RGS12: variants seen among roughly 807,000 people sequenced by gnomAD.
RGS12 encodes the protein regulator of G-protein signaling 12.
RGS12 carries 66 observed loss-of-function variants against 120.1 expected under a neutral mutation model. The ratio of observed to expected loss-of-function variants is 0.55; its 90% CI spans 0.45 to 0.67. RGS12 has a LOEUF of 0.67. Ranked by LOEUF, RGS12 falls within the 30% of genes least tolerant of loss-of-function variation. RGS12 has a pLI of 0.00. For missense variants in RGS12, 1,859 were observed against 1,957.7 expected, an observed-to-expected ratio of 0.95 and a Z score of 0.95; for synonymous variants, 827 against 804.7, an observed-to-expected ratio of 1.03 and a Z score of -0.47.
At chr4:3,290,318 C>T (rs1722981768), upstream of RGS12, among the ~76,000 whole-genome samples, 1 of 152,224 alleles carries the variant, frequency 6.6e-6, no homozygotes, top group Non-Finnish European at 1.5e-5. Flanking sequence ...CAAACATCTC[C>T]ACCCATCTCC....
At chr4:3,381,292 T>A (rs1718230915) in intron 3 of RGS12, among the ~76,000 whole-genome samples, 1 of 152,224 alleles carries the variant, frequency 6.6e-6, no homozygotes, top group South Asian at 2.1e-4. Flanking sequence ...TCACACATAT[T>A]TCTGTCTTCT....
the RGS12 span, among the ~76,000 whole-genome samples, chr4:3,286,280 G>A: frequency 1.3e-5 from 2 of 152,128 alleles, no homozygotes; most frequent in Non-Finnish European, 1.5e-5. Flanking sequence ...GGTTTCTTTC[G>A]ACACACTGAG....
chr4:3,434,187 G>T (rs1577110403), intron 17 of RGS12, among the ~76,000 whole-genome samples: 1 of 152,298 alleles, frequency 6.6e-6, no homozygotes, highest in Non-Finnish European at 1.5e-5. Context: ...TCTTCACAGG[G>T]CAGCAGGAGA....
rs34772853 is a variant in RGS12 at position 3,414,137 on chromosome 4, C to T, written c.2086C>T (p.Pro696Ser). 6 of 1,569,172 alleles carry T rather than the reference C, an allele frequency of 3.8e-6. No individual in the cohort carries two copies. The highest frequency in any genetic ancestry group is 1.2e-5 in the South Asian group (1 of 86,534). ...NNSLSSNASL[P>S]SVQSCRRLRE... ...CAGCCTGAGCAGCAATGCCAGCCTC[C>T]CCAGCGTGCAGAGCTGCCGGCGCCT... The change falls in exon 5 of 18, where the codon CCC (proline) becomes TCC (serine). Residue 696 changes from proline to serine, a missense_variant. By Grantham distance (74) the Pro-to-Ser change is moderately conservative. Coordinates refer to ENST00000336727, the MANE Select transcript of RGS12 (RefSeq NM_001394154.1).
At chr4:3,349,051 G>A (rs1047122723) in intron 3 of RGS12, among the ~76,000 whole-genome samples, 2 of 152,108 alleles carry the variant, frequency 1.3e-5, no homozygotes, top group African/African-American at 4.8e-5. Flanking sequence ...AAATCAAAAC[G>A]TCCTGCAGTT....
intron 1 of RGS12, chr4:3,314,203 G>A (rs1317532635): frequency 6.6e-6 from 1 of 151,874 alleles, no homozygotes; most frequent in African/African-American, 2.4e-5. Context: ...AAGTACGCAT[G>A]TTCTGTGTCC....
At chr4:3,339,177 G>C (rs955124710) in intron 2 of RGS12, among the ~76,000 whole-genome samples, 1 of 152,146 alleles carries the variant, frequency 6.6e-6, no homozygotes, top group Non-Finnish European at 1.5e-5. Flanking sequence ...TGGAAGGGCC[G>C]CTCACCTGGG....
rs530079959 is a variant in RGS12, at chr4:3,317,762, G to A, written c.1592G>A (p.Cys531Tyr). The A allele has an allele frequency of 6.2e-7, 1 of 1,613,586 alleles. No individual in the cohort carries two copies. Residue 531 changes from cysteine to tyrosine, a missense_variant, in exon 2 of 18, where the codon TGT becomes TAT. Coordinates refer to ENST00000336727, the MANE Select transcript of RGS12 (RefSeq NM_001394154.1). Reference sequence around the variant, plus strand: ...AAGAGGGGCACCGTGGGTGCTGGCTGTGGTTTCAACCAGCGCTGGCTCCCG... The same window carrying A: ...AAGAGGGGCACCGTGGGTGCTGGCTATGGTTTCAACCAGCGCTGGCTCCCG... ...PSKRGTVGAG[C>Y]GFNQRWLPVH...
intron 2 of RGS12, among the ~76,000 whole-genome samples, chr4:3,319,441 T>G (rs1410276181): frequency 1.3e-5 from 2 of 152,140 alleles, no homozygotes; most frequent in African/African-American, 4.8e-5. Context: ...ATCCTCTTTA[T>G]TTTTGGGGAC....
At chr4:3,417,185 G>C (rs570600439) in intron 8 of RGS12, 93 bp downstream of exon 8, 1 of 1,382,908 alleles carries the variant, frequency 7.2e-7, no homozygotes, top group South Asian at 1.5e-5. Context: ...CCCTGTCGGC[G>C]TCTTCACCAG....
At chr4:3,363,077 G>C (rs150262797) in intron 3 of RGS12, among the ~76,000 whole-genome samples, 4 of 151,072 alleles carry the variant, frequency 2.6e-5, no homozygotes, top group African/African-American at 7.3e-5. Flanking sequence ...TAGTGTGTGC[G>C]CATGTGTGAA....
intron 2 of RGS12, among the ~76,000 whole-genome samples, chr4:3,332,318 A>G (rs770377059): frequency 2.6e-5 from 4 of 152,232 alleles, no homozygotes; most frequent in Non-Finnish European, 4.4e-5. Context: ...AAATGGCTTA[A>G]TAACACAGTT....
intron 3 of RGS12, among the ~76,000 whole-genome samples, chr4:3,373,474 G>T (rs143014392): frequency 6.6e-5 from 10 of 152,338 alleles, no homozygotes; most frequent in African/African-American, 2.4e-4. Context: ...TGAGCTTGGT[G>T]GGCCATCCGG....
rs546752146 is a variant in RGS12, at chr4:3,414,259, C to T, written c.2190+18C>T. The stretch of plus-strand genomic sequence containing the variant: ...ACTTCTCTGTGAGTAGGGAAGGGCC[C>T]AGGAGCAGCGGAGCGGTCTGTGCTC... On this transcript the variant is annotated intron_variant, in intron 5 of 17. Coordinates refer to ENST00000336727, the MANE Select transcript of RGS12 (RefSeq NM_001394154.1). 143 of 1,526,238 alleles carry T rather than the reference C, an allele frequency of 9.4e-5. 10 individuals are homozygous for T. The South Asian group carries it at 1.7e-3, about 18-fold the overall frequency. The allele number at this position is 1,526,238 out of a possible 1,614,324, so 94.5% of individuals were successfully genotyped here. A position where few individuals can be genotyped will look rare whatever the true frequency, so the allele number is the denominator to read the frequency against.
At chr4:3,355,827 A>T (rs1240592882) in intron 3 of RGS12, among the ~76,000 whole-genome samples, 1 of 151,314 alleles carries the variant, frequency 6.6e-6, no homozygotes, top group Non-Finnish European at 1.5e-5. Flanking sequence ...GGAAAAAAGA[A>T]GAAAAAGAAA....
intron 17 of RGS12, chr4:3,432,358 C>T (rs1014263423): frequency 4.6e-4 from 100 of 218,196 alleles, no homozygotes; most frequent in Non-Finnish European, 6.4e-4. Flanking sequence ...TGGTGTGCTC[C>T]CAGCAGCACA....
At chr4:3,414,714 G>A (rs1722146758) in intron 5 of RGS12, 38 bp from the exon 6 acceptor site, 4 of 1,419,742 alleles carry the variant, frequency 2.8e-6, no homozygotes, top group Non-Finnish European at 4.0e-6. Flanking sequence ...GGAGGACCCT[G>A]TGTCAGTGTT....
chr4:3,331,993 A>G (rs1231063697), intron 2 of RGS12, among the ~76,000 whole-genome samples: 1 of 152,188 alleles, frequency 6.6e-6, no homozygotes, highest in African/African-American at 2.4e-5. Flanking sequence ...CAGTGAGGAC[A>G]GCTTCAGGCC....
rs1179634212 is a variant in RGS12, at chr4:3,389,002, A to G, written c.2020+2565A>G. On this transcript the variant is annotated intron_variant, in intron 4 of 17. Transcript: ENST00000336727. The surrounding 1 kb of genome is among the most constrained non-coding windows in gnomAD (Gnocchi z 5.2). ...CCTGTCTAGTTTTGGTGATTAATAG[A>G]TCACTCACTTAGAAATATTTTGTGT... is the stretch of plus-strand genomic sequence containing the variant. 6.6e-6 allele frequency among the ~76,000 whole-genome samples: 1 copy of G among 152,130 alleles called. No homozygotes were observed. Among genetic ancestry groups the G allele is most frequent in the Non-Finnish European group, 1.5e-5 (1 of 68,012 alleles).
Sources: allele counts gnomAD v4.1 joint callset (sites outside exome capture counted in the v4.1 genomes callset), GRCh38; gene constraint gnomAD v4.1.1; non-coding constraint Gnocchi (gnomAD v3.1); transcripts MANE v1.5; gene names NCBI Gene and HGNC (gene_info 2026-07-23, HGNC 2026-07-21).